The following HADHB variants were observed in gnomAD, a reference collection of about 807,000 sequenced individuals.
HADHB encodes trifunctional enzyme subunit beta, mitochondrial.
Under a neutral mutation model 61.9 loss-of-function variants are expected in HADHB, and 50 were observed. The ratio of observed to expected loss-of-function variants is 0.81; its 90% CI spans 0.64 to 1.02. The LOEUF is 1.02. Ranked by LOEUF, HADHB falls within the 50% of genes least tolerant of loss-of-function variation. The pLI, the probability that HADHB is intolerant of heterozygous loss-of-function variation, is 0.00. For synonymous variants in HADHB, 191 were observed against 201.6 expected, an observed-to-expected ratio of 0.95 and a Z score of 0.45; for missense variants, 504 against 586.5, an observed-to-expected ratio of 0.86 and a Z score of 1.45.
Position 26,254,430 on chromosome 2 carries a change from C to G in HADHB, c.65C>G (p.Ser22Cys), listed in dbSNP as rs1671530038. 6.2e-7 allele frequency: 1 copy of G among 1,602,230 alleles called. No homozygotes were observed. Reference protein sequence around the residue: ...PTASKWALRFSIRPLSCSSQL... With the variant: ...PTASKWALRFCIRPLSCSSQL... ...GTAAACAGTTTATTTTGTCTTCCAG[C>G]CATAAGACCTCTGAGCTGTTCCTCC... The change falls in exon 3 of 16, where the codon TCC becomes TGC. Residue 22 changes from serine (S) to cysteine (C), a missense_variant and splice_region_variant. By Grantham distance (112) the Ser-to-Cys change is moderately radical. Coordinates refer to ENST00000317799, the MANE Select transcript of HADHB (RefSeq NM_000183.3).
intron 6 of HADHB, among the ~76,000 whole-genome samples, chr2:26,275,361 G>C (rs1166665117): frequency 6.6e-6 from 1 of 152,114 alleles, no homozygotes; most frequent in Non-Finnish European, 1.5e-5. Flanking sequence ...TTTGTTGAAA[G>C]GTTCAGCATA....
intron 1 of HADHB, among the ~76,000 whole-genome samples, chr2:26,253,597 A>G (rs1031070203): frequency 6.6e-6 from 1 of 152,126 alleles, no homozygotes; most frequent in Non-Finnish European, 1.5e-5. Context: ...TCACGCCTGT[A>G]ATCCCAGCAC....
intron 4 of HADHB, among the ~76,000 whole-genome samples, chr2:26,267,433 A>C (rs538443598): frequency 1.3e-5 from 2 of 152,300 alleles, no homozygotes; most frequent in Non-Finnish European, 2.9e-5. Flanking sequence ...TTGAGCAATA[A>C]AATAAATTGC....
intron 4 of HADHB, among the ~76,000 whole-genome samples, chr2:26,268,902 T>G (rs1672215589): frequency 6.6e-6 from 1 of 152,120 alleles, no homozygotes; most frequent in Non-Finnish European, 1.5e-5. Flanking sequence ...ATCCCAGCAC[T>G]TTGGGAGGCC....
chr2:26,273,322 C>G (rs1672421362), intron 5 of HADHB, among the ~76,000 whole-genome samples: 1 of 151,888 alleles, frequency 6.6e-6, no homozygotes, highest in African/African-American at 2.4e-5. Context: ...ATATTTGTCT[C>G]TCTTTTTCAC....
chr2:26,266,105 A>AG (rs1672064988), intron 4 of HADHB, among the ~76,000 whole-genome samples: 1 of 151,882 alleles, frequency 6.6e-6, no homozygotes, highest in Admixed American at 6.6e-5. Context: ...GAAAAAAAAA[A>AG]AGGTGTTTTA....
At chr2:26,289,268 AT>A (rs1290399525) in intron 15 of HADHB, among the ~76,000 whole-genome samples, 1 of 152,186 alleles carries the variant, frequency 6.6e-6, no homozygotes, top group Non-Finnish European at 1.5e-5. Context: ...AATAAAAAAA[AT>A]AAAAAAAGAA....
chr2:26,263,283 A>G, intron 3 of HADHB, 97 bp from the exon 4 acceptor site: 3 of 712,028 alleles, frequency 4.2e-6, no homozygotes, highest in East Asian at 6.0e-5. Flanking sequence ...TGGGTGACAG[A>G]GCGAGACTCC....
chr2:26,275,319 C>T (rs1672497562), intron 6 of HADHB, among the ~76,000 whole-genome samples: 1 of 152,228 alleles, frequency 6.6e-6, no homozygotes, highest in East Asian at 1.9e-4. Flanking sequence ...AATATACAGT[C>T]CTAAAAGGCT....
intron 1 of HADHB, among the ~76,000 whole-genome samples, chr2:26,247,913 T>G (rs1671229303): frequency 6.6e-6 from 1 of 152,182 alleles, no homozygotes; most frequent in South Asian, 2.1e-4. Context: ...CAACAGTATA[T>G]ATAGATTTTA....
At chr2:26,247,607 A>G (rs1444807362) in intron 1 of HADHB, among the ~76,000 whole-genome samples, 1 of 152,232 alleles carries the variant, frequency 6.6e-6, no homozygotes, top group African/African-American at 2.4e-5. Context: ...CTCAGATTCA[A>G]CCAATGTCTG....
chr2:26,270,553 ATGTT>A (rs1229964812), intron 5 of HADHB, among the ~76,000 whole-genome samples: 2 of 151,162 alleles, frequency 1.3e-5, no homozygotes, highest in African/African-American at 4.9e-5. Context: ...TTCTAACTCT[ATGTT>A]TGTTTTTTTT....
In HADHB at chr2:26,289,969, T is replaced by A. The variant is rs1359007962; in HGVS notation, c.*16T>A. On this transcript the variant is annotated 3_prime_UTR_variant, in exon 16 of 16. Coordinates refer to ENST00000317799, the MANE Select transcript of HADHB (RefSeq NM_000183.3). ...TCCAAAATAATAGATCCAGAAGAAG[T>A]GACCTGAAGTTTCTGTGCAACACTC... 1 of 1,576,758 alleles carries A rather than the reference T, an allele frequency of 6.3e-7. No individual in the cohort carries two copies. The highest frequency in any genetic ancestry group is 1.1e-5 in the South Asian group (1 of 90,324).
intron 11 of HADHB, 24 bp downstream of exon 11, chr2:26,282,948 C>A: frequency 6.2e-7 from 1 of 1,601,906 alleles, no homozygotes; most frequent in Non-Finnish European, 8.6e-7. Flanking sequence ...TCAAACAAAT[C>A]ATCTCTGATT....
At chr2:26,284,549 G>A (rs1362329558) in intron 13 of HADHB, among the ~76,000 whole-genome samples, 4 of 150,122 alleles carry the variant, frequency 2.7e-5, no homozygotes, top group Admixed American at 1.3e-4. Context: ...TGCAACCTCC[G>A]CCTTCCAGGT....
At chr2:26,254,224 TA>T (rs1671519783) in intron 1 of HADHB, 22 bp from the exon 2 acceptor site, 2 of 1,030,106 alleles carry the variant, frequency 1.9e-6, no homozygotes, top group African/African-American at 3.3e-5. Flanking sequence ...ATCCAGGATA[TA>T]CTTTTGTTCT....
intron 6 of HADHB, 133 bp from the exon 7 acceptor site, chr2:26,276,940 G>T: frequency 3.0e-6 from 2 of 665,776 alleles, no homozygotes; most frequent in East Asian, 2.7e-5. Flanking sequence ...GACTTCATTT[G>T]ATTTTAAATA....
At chr2:26,252,310 G>A (rs1363635929) in intron 1 of HADHB, among the ~76,000 whole-genome samples, 1 of 152,216 alleles carries the variant, frequency 6.6e-6, no homozygotes, top group Non-Finnish European at 1.5e-5. Context: ...GATTATTGGG[G>A]GGCAACTTGG....
intron 4 of HADHB, among the ~76,000 whole-genome samples, chr2:26,266,922 CT>C (rs1293434719): frequency 8.0e-6 from 1 of 124,716 alleles, no homozygotes. Context: ...TAATTTATGG[CT>C]TAGGCATTTT....
Sources: gnomAD v4.1 joint callset for allele counts (sites outside exome capture counted in the v4.1 genomes callset) on GRCh38, gnomAD v4.1.1 for gene constraint, MANE v1.5 for transcripts, NCBI Gene and HGNC (gene_info 2026-07-23, HGNC 2026-07-21) for gene names.